NR5A2: variants seen among roughly 807,000 people sequenced by gnomAD.
NR5A2 encodes CYP7A promoter-binding factor.
A neutral mutation model predicts 62.7 loss-of-function variants in NR5A2; 26 were observed. The ratio of observed to expected loss-of-function variants is 0.41; its 90% CI spans 0.30 to 0.58. NR5A2 has a LOEUF of 0.58. Among genes scored for constraint, NR5A2 ranks in the 20% least tolerant of loss-of-function variants. The probability of loss-of-function intolerance (pLI) is 0.22; values close to 1 mark genes in which losing one functional copy is unlikely to be tolerated. For synonymous variants in NR5A2, 246 were observed against 241.7 expected, an observed-to-expected ratio of 1.02 and a Z score of -0.16; for missense variants, 541 against 669.1, an observed-to-expected ratio of 0.81 and a Z score of 2.11.
chr1:200,030,717 T>C (rs1354230700), intron 1 of NR5A2, among the ~76,000 whole-genome samples: 1 of 152,244 alleles, frequency 6.6e-6, no homozygotes, highest in Non-Finnish European at 1.5e-5. Context: ...TATGCTTTGA[T>C]TCATATTAAA....
rs1307215614 is a variant in NR5A2, at chr1:200,174,512, A to G, written c.*302A>G. ...CTCACAGATGGATACCAACACGGTC[A>G]GAAGAAAAACGGACAGAACGGTTCT... is the stretch of plus-strand genomic sequence containing the variant. On this transcript the variant is annotated 3_prime_UTR_variant, in exon 8 of 8. Transcript: ENST00000367362. The G allele has an allele frequency of 4.8e-6, 1 of 208,146 alleles. No individual in the cohort carries two copies. The highest frequency in any genetic ancestry group is 2.3e-5 in the African/African-American group (1 of 43,604). 12.9% of individuals were successfully genotyped at this position (208,146 alleles called of 1,614,324 possible). A position where few individuals can be genotyped will look rare whatever the true frequency, so the allele number is the denominator to read the frequency against.
chr1:200,053,539 G>A (rs2737641), intron 5 of NR5A2, among the ~76,000 whole-genome samples: 42,776 of 147,700 alleles, frequency 0.29, 7,600 homozygotes, highest in African/African-American at 0.51. Flanking sequence ...CCTCTTGTAC[G>A]CATTCCCTCA....
Position 200,137,004 on chromosome 1 carries a change from C to A in NR5A2, c.1378+16049C>A, listed in dbSNP as rs146873452. On this transcript the variant is annotated intron_variant, in intron 7 of 7. Coordinates refer to ENST00000367362, the MANE Select transcript of NR5A2 (RefSeq NM_205860.3). ...CTTTTTTTTGAGACAGAGCCTCACT[C>A]TGTTACCCAGGCTGGAATGCAGTGG... Among the ~76,000 whole-genome samples the A allele has an allele frequency of 3.0e-4, 46 of 152,210 alleles. No individual in the cohort carries two copies. The East Asian group carries it at 7.9e-3, about 26-fold the overall frequency.
rs71132660 is a variant in NR5A2 at position 200,108,081 on chromosome 1, C to CGTGTGTGTGTGTGTGTGTGTGTGT, written c.1111-3110_1111-3087dup. Among the ~76,000 whole-genome samples the CGTGTGTGTGTGTGTGTGTGTGTGT allele has an allele frequency of 1.3e-3, 186 of 146,868 alleles. 1 individual carries two copies. The highest frequency in any genetic ancestry group is 6.9e-3 in the Middle Eastern group (2 of 288). ...TGATGAGATGGCTCTAGAAGACATA[C>CGTGTGTGTGTGTGTGTGTGTGTGT]GTGTGTGTGTGTGTGTGTGTGTGTG... On this transcript the variant is annotated intron_variant, in intron 5 of 7. Coordinates refer to ENST00000367362, the MANE Select transcript of NR5A2 (RefSeq NM_205860.3).
chr1:200,096,663 T>C (rs1158413640), intron 5 of NR5A2, among the ~76,000 whole-genome samples: 2 of 152,182 alleles, frequency 1.3e-5, no homozygotes, highest in African/African-American at 4.8e-5. Context: ...CAGCGTGTCA[T>C]TGAACAACCA....
intron 7 of NR5A2, among the ~76,000 whole-genome samples, chr1:200,159,843 G>A (rs549703018): frequency 4.4e-4 from 67 of 152,110 alleles, no homozygotes; most frequent in Non-Finnish European, 8.4e-4. Flanking sequence ...AGTAAAGACG[G>A]GGTTTCACCA....
intron 5 of NR5A2, among the ~76,000 whole-genome samples, chr1:200,091,415 G>A (rs1164062787): frequency 6.6e-6 from 1 of 151,754 alleles, no homozygotes; most frequent in Non-Finnish European, 1.5e-5. Context: ...TGATCTGCTG[G>A]CCACTGGTGG....
intron 5 of NR5A2, among the ~76,000 whole-genome samples, chr1:200,070,052 G>A (rs893195546): frequency 2.0e-5 from 3 of 151,720 alleles, no homozygotes; most frequent in African/African-American, 4.8e-5. Context: ...AATTTTGCCC[G>A]AAAAATAAAG....
intron 7 of NR5A2, among the ~76,000 whole-genome samples, chr1:200,125,229 C>T (rs1199374982): frequency 2.6e-5 from 4 of 152,158 alleles, no homozygotes; most frequent in Non-Finnish European, 5.9e-5. Flanking sequence ...CAAGCAAATG[C>T]AAGATGATAG....
intron 5 of NR5A2, among the ~76,000 whole-genome samples, chr1:200,090,802 A>G (rs769063321): frequency 1.2e-4 from 19 of 152,156 alleles, no homozygotes; most frequent in Non-Finnish European, 2.4e-4. Flanking sequence ...AGATGTCTCT[A>G]GGTAACTGAC....
chr1:200,058,628 G>C (rs766438452), intron 5 of NR5A2, among the ~76,000 whole-genome samples: 1 of 151,626 alleles, frequency 6.6e-6, no homozygotes, highest in African/African-American at 2.4e-5. Flanking sequence ...TCAGGCACAC[G>C]CCACCATGCC....
intron 7 of NR5A2, among the ~76,000 whole-genome samples, chr1:200,145,159 A>AATTAG (rs1160482471): frequency 1.3e-5 from 2 of 152,000 alleles, no homozygotes; most frequent in Non-Finnish European, 2.9e-5. Context: ...AAAATACAAA[A>AATTAG]ATTAGCCAGG....
chr1:200,150,801 A>C (rs908994570), intron 7 of NR5A2, among the ~76,000 whole-genome samples: 12 of 152,194 alleles, frequency 7.9e-5, no homozygotes, highest in African/African-American at 2.9e-4. Flanking sequence ...CTCTAATCAC[A>C]TAAGAAGAAC....
intron 1 of NR5A2, among the ~76,000 whole-genome samples, chr1:200,033,534 T>G (rs912302182): frequency 6.6e-6 from 1 of 152,202 alleles, no homozygotes; most frequent in Admixed American, 6.5e-5. Context: ...CTGCAGCCTC[T>G]GCTTCCCGGC....
chr1:200,082,274 C>T (rs1014690560), intron 5 of NR5A2, among the ~76,000 whole-genome samples: 2 of 152,114 alleles, frequency 1.3e-5, no homozygotes, highest in African/African-American at 2.4e-5. Context: ...AAAACAGATG[C>T]ACTATTTAAA....
At chr1:200,041,466 A>G (rs779087161) in intron 2 of NR5A2, among the ~76,000 whole-genome samples, 5 of 152,064 alleles carry the variant, frequency 3.3e-5, no homozygotes, top group Non-Finnish European at 7.4e-5. Flanking sequence ...TGGGGACCCC[A>G]TTCTCCTGCT....
chr1:200,123,745 A>AAT (rs1382817890), intron 7 of NR5A2, among the ~76,000 whole-genome samples: 2 of 81,516 alleles, frequency 2.5e-5, no homozygotes, highest in African/African-American at 9.6e-5. Context: ...TATTTTACTT[A>AAT]TTTAATTTTT....
intron 7 of NR5A2, among the ~76,000 whole-genome samples, chr1:200,124,854 A>T (rs1486149770): frequency 1.3e-5 from 2 of 152,038 alleles, no homozygotes; most frequent in Non-Finnish European, 2.9e-5. Flanking sequence ...ATCAGCCAAG[A>T]TCGTACTACT....
At chr1:200,132,456 T>G (rs942079272) in intron 7 of NR5A2, among the ~76,000 whole-genome samples, 6 of 152,334 alleles carry the variant, frequency 3.9e-5, no homozygotes, top group East Asian at 1.9e-4. Flanking sequence ...CAATGCTGCA[T>G]GCATCTCTTG....
Sources: allele counts gnomAD v4.1 joint callset (sites outside exome capture counted in the v4.1 genomes callset), GRCh38; gene constraint gnomAD v4.1.1; transcripts MANE v1.5; gene names NCBI Gene and HGNC (gene_info 2026-07-23, HGNC 2026-07-21).